Variants in COL15A1 observed in about 807,000 individuals in gnomAD.
The protein encoded by COL15A1 is collagen alpha-1(XV) chain.
COL15A1 carries 111 observed loss-of-function variants against 165.9 expected under a neutral mutation model. The observed-to-expected ratio is 0.67, with a 90% CI of 0.57 to 0.78. The LOEUF (loss-of-function observed/expected upper bound fraction) is 0.78, where lower values mean the gene tolerates loss of function less well. COL15A1 is among the 30% of genes least tolerant of loss of function. COL15A1 has a pLI of 0.00. For missense variants in COL15A1, 1,745 were observed against 1,789.7 expected, an observed-to-expected ratio of 0.98 and a Z score of 0.45; for synonymous variants, 659 against 674.8, an observed-to-expected ratio of 0.98 and a Z score of 0.36.
Position 99,069,771 on chromosome 9 carries a change from G to C in COL15A1, c.4052G>C (p.Gly1351Ala). Reference sequence around the variant, plus strand: ...CGAACCGCGGACACAGCGGTCACGGGACTTGCCTCCCCGCTGAGCACGGGG... The same window carrying C: ...CGAACCGCGGACACAGCGGTCACGGCACTTGCCTCCCCGCTGAGCACGGGG... ...AWRTADTAVT[G>A]LASPLSTGKI... Residue 1351 changes from glycine to alanine, a missense_variant, in exon 42 of 42, where the codon GGA becomes GCA. Transcript: ENST00000375001. The C allele has an allele frequency of 6.2e-7, 1 of 1,614,232 alleles. No individual in the cohort carries two copies. Among genetic ancestry groups the C allele is most frequent in the Non-Finnish European group, 8.5e-7 (1 of 1,180,034 alleles).
At chr9:99,001,018 G>C (rs1838643213) in intron 7 of COL15A1, 67 bp downstream of exon 7, 1 of 800,586 alleles carries the variant, frequency 1.2e-6, no homozygotes, top group African/African-American at 1.7e-5. Flanking sequence ...CAAACTTGGT[G>C]ATGATTTTAC....
rs1284912004 is a variant in COL15A1, at chr9:99,023,454, G to C, written c.1854+5G>C. 1.6e-6 allele frequency: 2 copies of C among 1,251,218 alleles called. No homozygotes were observed. Among genetic ancestry groups the C allele is most frequent in the South Asian group, 2.4e-5 (2 of 83,048 alleles). 77.5% of individuals were successfully genotyped at this position (1,251,218 alleles called of 1,614,324 possible). ...GGCAGTGAGCAGCTGCTGAGAGTGA[G>C]TGTGAAGGAGGACACGACCTGGTGT... On this transcript the variant is annotated splice_donor_5th_base_variant and intron_variant, in intron 14 of 41. Transcript: ENST00000375001.
In COL15A1 at chr9:99,066,599, G is replaced by GTTTTTTTTTTT. The variant is rs67961829; in HGVS notation, c.3652-268_3652-258dup. Among the ~76,000 whole-genome samples, 68 of 71,038 alleles carry GTTTTTTTTTTT rather than the reference G, an allele frequency of 9.6e-4. 6 individuals are homozygous for GTTTTTTTTTTT. Among genetic ancestry groups the GTTTTTTTTTTT allele is most frequent in the African/African-American group, 2.9e-3 (55 of 19,126 alleles). 46.6% of individuals were successfully genotyped at this position (71,038 alleles called of 152,430 possible). A position where few individuals can be genotyped will look rare whatever the true frequency, so the allele number is the denominator to read the frequency against. On this transcript the variant is annotated intron_variant, in intron 39 of 41. Coordinates refer to ENST00000375001, the MANE Select transcript of COL15A1 (RefSeq NM_001855.5). ...TTTGGTCCAAGCAATATTTTGTTCT[G>GTTTTTTTTTTT]TTTTTTTTTTTTTTTTTTTTTTTTT...
intron 5 of COL15A1, among the ~76,000 whole-genome samples, chr9:98,992,090 C>T (rs956497537): frequency 6.6e-5 from 10 of 152,382 alleles, no homozygotes; most frequent in East Asian, 5.8e-4. Context: ...GCAGGTGGAG[C>T]GGCCTGCCAG....
At chr9:98,961,820 G>A (rs901237051) in intron 2 of COL15A1, among the ~76,000 whole-genome samples, 6 of 152,216 alleles carry the variant, frequency 3.9e-5, no homozygotes, top group Non-Finnish European at 8.8e-5. Context: ...TCAGGGCGGG[G>A]GCAAAGGGTC....
At position 99,052,440 on chromosome 9, in the gene COL15A1, A is replaced by T. The variant is rs1839606199; in HGVS notation, c.2950+7A>T. ...GAGCTCATCACTTTTCACGGTATAC[A>T]CTCCCTTCTTCATCATTTGTTTCTC... is the stretch of plus-strand genomic sequence containing the variant. On this transcript the variant is annotated splice_region_variant and intron_variant, in intron 31 of 41. Coordinates refer to ENST00000375001, the MANE Select transcript of COL15A1 (RefSeq NM_001855.5). The T allele has an allele frequency of 4.4e-6, 7 of 1,595,610 alleles. No individual in the cohort carries two copies. In the East Asian group the frequency reaches 1.6e-4, roughly 36 times the overall value.
chr9:98,983,375 C>A (rs940871645), intron 2 of COL15A1, among the ~76,000 whole-genome samples: 2 of 152,238 alleles, frequency 1.3e-5, no homozygotes, highest in African/African-American at 4.8e-5. Flanking sequence ...CACCCGCAAC[C>A]CCGGTACAGA....
intron 2 of COL15A1, among the ~76,000 whole-genome samples, chr9:98,944,469 G>T (rs1312130346): frequency 6.6e-6 from 1 of 152,196 alleles, no homozygotes; most frequent in Non-Finnish European, 1.5e-5. Context: ...CGGTTGGAGC[G>T]TTGTCTGGGC....
intron 2 of COL15A1, among the ~76,000 whole-genome samples, chr9:98,969,184 A>G (rs1838005083): frequency 1.3e-5 from 2 of 152,338 alleles, no homozygotes; most frequent in South Asian, 4.1e-4. Context: ...GCTGCCTTTC[A>G]TGGCAATTCT....
At chr9:99,035,458 A>C (rs774018135) in intron 19 of COL15A1, 40 bp downstream of exon 19, 2 of 1,612,414 alleles carry the variant, frequency 1.2e-6, no homozygotes, top group African/African-American at 1.3e-5. Context: ...GGGTTGTCAC[A>C]CTGTCACACT....
chr9:99,000,707 TG>T (rs1169581785), intron 6 of COL15A1, 131 bp from the exon 7 acceptor site: 2 of 643,446 alleles, frequency 3.1e-6, no homozygotes, highest in East Asian at 5.9e-5. Flanking sequence ...TTCTGCAACT[TG>T]TTTTTTCCCC....
At chr9:99,029,096 C>T (rs2119031053) in intron 16 of COL15A1, among the ~76,000 whole-genome samples, 1 of 152,344 alleles carries the variant, frequency 6.6e-6, no homozygotes, top group Admixed American at 6.5e-5. Context: ...TCATTCCTTT[C>T]TGCTTTTGCA....
In COL15A1 at chr9:99,047,790, C is replaced by T. The variant is rs768401058; in HGVS notation, c.2684C>T (p.Pro895Leu). ...TGGCATTTGTTTTGCCTCTAGGGGC[C>T]CAAAGGACCACCAGGACATAAAGGA... is the stretch of plus-strand genomic sequence containing the variant. ...GMHGAPGPMG[P>L]KGPPGHKGEF... The change falls in exon 27 of 42, where the codon CCC becomes CTC. Residue 895 changes from proline to leucine, a missense_variant. Pro to Leu is a moderately conservative substitution (Grantham distance 98). Transcript: ENST00000375001. 2 of 1,614,074 alleles carry T rather than the reference C, an allele frequency of 1.2e-6. No homozygotes were observed. The highest frequency in any genetic ancestry group is 1.7e-6 in the Non-Finnish European group (2 of 1,179,992).
At chr9:98,977,361 A>G (rs763758636) in intron 2 of COL15A1, among the ~76,000 whole-genome samples, 2 of 151,950 alleles carry the variant, frequency 1.3e-5, no homozygotes, top group Non-Finnish European at 2.9e-5. Flanking sequence ...AAGCCCATGG[A>G]CCCAGTTGCT....
chr9:98,986,073 C>T lies in COL15A1; in HGVS notation c.609C>T (p.Phe203=). Residue 203 remains phenylalanine (F), a synonymous_variant, in exon 3 of 42, where the codon TTC becomes TTT. Transcript: ENST00000375001. ...ALAFESSAGI[F]MGNAGATGLE... is the part of the protein sequence containing the mutation. ...CTTTTGAGTCCAGCGCTGGAATCTT[C>T]ATGGGCAATGCAGGAGCTACAGGGC... 1 of 1,613,878 alleles carries T rather than the reference C, an allele frequency of 6.2e-7. No homozygotes were observed. Among genetic ancestry groups the T allele is most frequent in the South Asian group, 1.1e-5 (1 of 91,078 alleles).
At chr9:99,008,594 G>A (rs1466707543) in intron 9 of COL15A1, among the ~76,000 whole-genome samples, 2 of 152,232 alleles carry the variant, frequency 1.3e-5, no homozygotes, top group East Asian at 3.9e-4. Flanking sequence ...TCCAAATTTT[G>A]TTTATATGAG....
chr9:99,067,821 C>T (rs745593304), intron 40 of COL15A1, among the ~76,000 whole-genome samples: 12 of 152,202 alleles, frequency 7.9e-5, no homozygotes, highest in South Asian at 2.1e-4. Context: ...TTGGATCTCT[C>T]TACAAGGGAC....
intron 39 of COL15A1, among the ~76,000 whole-genome samples, chr9:99,065,987 C>A (rs185431399): frequency 6.6e-6 from 1 of 151,836 alleles, no homozygotes; most frequent in Non-Finnish European, 1.5e-5. Flanking sequence ...CCTGCCCCAC[C>A]GCCTGAGCCT....
intron 14 of COL15A1, among the ~76,000 whole-genome samples, chr9:99,024,268 G>GTTTTTTTGTTTTTTTTTTTTTT (rs1839078502): frequency 7.6e-6 from 1 of 131,460 alleles, no homozygotes; most frequent in Non-Finnish European, 1.6e-5. Flanking sequence ...ACCACAAGCA[G>GTTTTTTTGTTTTTTTTTTTTTT]TTTTTTTTGT....
Sources: allele counts gnomAD v4.1 joint callset (sites outside exome capture counted in the v4.1 genomes callset), GRCh38; gene constraint gnomAD v4.1.1; transcripts MANE v1.5; gene names NCBI Gene and HGNC (gene_info 2026-07-23, HGNC 2026-07-21).